AZGP1: variants seen among roughly 807,000 people sequenced by gnomAD.
AZGP1 encodes the protein alpha-2-glycoprotein 1, zinc-binding.
A neutral mutation model predicts 31.5 loss-of-function variants in AZGP1; 28 were observed. The observed-to-expected ratio is 0.89, with a 90% CI of 0.66 to 1.22. The LOEUF is 1.22. Ranked by LOEUF, AZGP1 falls within the 50% of genes most tolerant of loss-of-function variation. AZGP1 has a pLI of 0.00. For missense variants in AZGP1, 361 were observed against 371.8 expected, an observed-to-expected ratio of 0.97 and a Z score of 0.24; for synonymous variants, 135 against 145.4, an observed-to-expected ratio of 0.93 and a Z score of 0.51.
intron 1 of AZGP1, among the ~76,000 whole-genome samples, chr7:99,975,243 A>G (rs1233233033): frequency 6.6e-6 from 1 of 152,118 alleles, no homozygotes; most frequent in Non-Finnish European, 1.5e-5. Context: ...TCAGATTAAC[A>G]TTCCAAAGTG....
rs1584298413 is a variant in AZGP1, at chr7:99,967,268, A to G, written c.632T>C (p.Val211Ala). Residue 211 changes from valine to alanine, a missense_variant, in exon 4 of 4, where the codon GTC becomes GCC. Coordinates refer to ENST00000292401, the MANE Select transcript of AZGP1 (RefSeq NM_001185.4). ...TTCTCCTGGGGCCTGGTGGCTGGTG[A>G]CCACCACAGAGGGAGGATCTGTGGA... ...LDRQDPPSVV[V>A]TSHQAPGEKK... 1 of 1,612,430 alleles carries G rather than the reference A, an allele frequency of 6.2e-7. No homozygotes were observed. Among genetic ancestry groups the G allele is most frequent in the East Asian group, 2.2e-5 (1 of 44,862 alleles).
In AZGP1 at chr7:99,968,166, A is replaced by G; in HGVS notation, c.602T>C (p.Leu201Pro). 1 of 1,613,978 alleles carries G rather than the reference A, an allele frequency of 6.2e-7. No individual in the cohort carries two copies. Among genetic ancestry groups the G allele is most frequent in the Non-Finnish European group, 8.5e-7 (1 of 1,179,998 alleles). The part of the protein sequence containing the change: ...RKYLKYSKNI[L>P]DRQDPPSVVV... ...GAAGCAGTGAGTACCTTGCCGGTCC[A>G]GGATATTTTTGCTGTATTTCAGGTA... Residue 201 changes from leucine to proline, a missense_variant, in exon 3 of 4, where the codon CTG becomes CCG. Coordinates refer to ENST00000292401, the MANE Select transcript of AZGP1 (RefSeq NM_001185.4).
intron 1 of AZGP1, among the ~76,000 whole-genome samples, chr7:99,973,713 C>T (rs1345105245): frequency 6.6e-6 from 1 of 150,384 alleles, no homozygotes; most frequent in Non-Finnish European, 1.5e-5. Context: ...GTCAGGAGTT[C>T]GAAACCAGCC....
intron 1 of AZGP1, among the ~76,000 whole-genome samples, chr7:99,972,919 C>A (rs887817025): frequency 2.0e-5 from 3 of 152,186 alleles, no homozygotes; most frequent in Non-Finnish European, 4.4e-5. Context: ...AGATCGAGAC[C>A]ATCCTGGCTA....
chr7:99,975,222 T>G (rs940300644), intron 1 of AZGP1, among the ~76,000 whole-genome samples: 1 of 152,000 alleles, frequency 6.6e-6, no homozygotes, highest in East Asian at 1.9e-4. Context: ...AATTCAGATT[T>G]TGGCACAGAA....
At position 99,966,974 on chromosome 7, in the gene AZGP1, G is replaced by A. The variant is rs779059149; in HGVS notation, c.*29C>T. The A allele has an allele frequency of 6.2e-7, 1 of 1,604,776 alleles. No homozygotes were observed. Among genetic ancestry groups the A allele is most frequent in the Non-Finnish European group, 8.5e-7 (1 of 1,174,316 alleles). ...CAGGAAGGGCAGCTACTGGGTCTGAGATCCCACATTGCCTCCAACCCTTGC... is the reference window on the plus strand; with the variant it reads ...CAGGAAGGGCAGCTACTGGGTCTGAAATCCCACATTGCCTCCAACCCTTGC... On this transcript the variant is annotated 3_prime_UTR_variant, in exon 4 of 4. Transcript: ENST00000292401.
At chr7:99,974,065 G>A (rs1789620590) in intron 1 of AZGP1, among the ~76,000 whole-genome samples, 1 of 151,972 alleles carries the variant, frequency 6.6e-6, no homozygotes, top group African/African-American at 2.4e-5. Flanking sequence ...TTGAGGTCAA[G>A]AGGTCAAGAC....
chr7:99,970,336 T>A (rs1242379693), intron 2 of AZGP1, among the ~76,000 whole-genome samples: 1 of 152,146 alleles, frequency 6.6e-6, no homozygotes, highest in Non-Finnish European at 1.5e-5. Flanking sequence ...CTCTGCCTCC[T>A]GGGTTCAAGC....
rs1789507583 is a variant in AZGP1, at chr7:99,967,750, C to T, written c.613+405G>A. On this transcript the variant is annotated intron_variant, in intron 3 of 3. Transcript: ENST00000292401. ...TCTGGGGCTGACATTTTACACGCCT[C>T]CCTTCTCTCCACCACCCAGATGGGA... is the stretch of plus-strand genomic sequence containing the variant. 3 of 461,732 alleles carry T rather than the reference C, an allele frequency of 6.5e-6. No individual in the cohort carries two copies. The East Asian group carries it at 1.2e-4, about 18-fold the overall frequency. The allele number at this position is 461,732 out of a possible 1,614,324, so 28.6% of individuals were successfully genotyped here.
In AZGP1 at chr7:99,967,312, G is replaced by A. The variant is rs377110545; in HGVS notation, c.614-26C>T. The A allele has an allele frequency of 4.7e-5, 76 of 1,605,456 alleles. No individual in the cohort carries two copies. The East Asian group carries it at 7.8e-4, about 17-fold the overall frequency. On this transcript the variant is annotated intron_variant, in intron 3 of 3. Coordinates refer to ENST00000292401, the MANE Select transcript of AZGP1 (RefSeq NM_001185.4). ...CTGTGGAGGGATAGAGTGTGACACTGCAGGCTTGAGGTGGACTTCTCCCGG... is the reference window on the plus strand; with the variant it reads ...CTGTGGAGGGATAGAGTGTGACACTACAGGCTTGAGGTGGACTTCTCCCGG...
At chr7:99,969,793 C>T (rs187075417) in intron 2 of AZGP1, among the ~76,000 whole-genome samples, 103 of 152,280 alleles carry the variant, frequency 6.8e-4, no homozygotes, top group African/African-American at 2.4e-3. Context: ...GAGTTCATAT[C>T]ATCACCTAAG....
intron 2 of AZGP1, 22 bp downstream of exon 2, chr7:99,971,720 ACCCC>A: frequency 6.2e-7 from 1 of 1,605,056 alleles, no homozygotes; most frequent in Non-Finnish European, 8.5e-7. Flanking sequence ...TAGACCTTCC[ACCCC>A]TGTGGTCTGT....
intron 1 of AZGP1, among the ~76,000 whole-genome samples, chr7:99,974,938 T>C (rs942989462): frequency 6.6e-6 from 1 of 152,194 alleles, no homozygotes; most frequent in African/African-American, 2.4e-5. Context: ...GCCTACAGTC[T>C]GCCCTTGGAA....
chr7:99,971,690 G>T (rs537729691), intron 2 of AZGP1, 56 bp downstream of exon 2: 110 of 1,563,226 alleles, frequency 7.0e-5, no homozygotes, highest in Middle Eastern at 1.8e-4. Context: ...CACTCACACT[G>T]GGGGGGCTGC....
In AZGP1 at chr7:99,967,084, C is replaced by T. The variant is rs757379266; in HGVS notation, c.816G>A (p.Pro272=). Residue 272 remains proline (P), a synonymous_variant, in exon 4 of 4, where the codon CCG becomes CCA. Coordinates refer to ENST00000292401, the MANE Select transcript of AZGP1 (RefSeq NM_001185.4). The part of the protein sequence containing the change: ...YQSWVVVAVP[P]QDTAPYSCHV... Reference sequence around the variant, plus strand: ...GGCAGGAGTAGGGGGCTGTGTCCTGCGGGGGCACTGCCACCACCACCCAGG... The same window carrying T: ...GGCAGGAGTAGGGGGCTGTGTCCTGTGGGGGCACTGCCACCACCACCCAGG... The T allele has an allele frequency of 2.5e-6, 4 of 1,614,154 alleles. No individual in the cohort carries two copies. The highest frequency in any genetic ancestry group is 2.2e-5 in the East Asian group (1 of 44,882).
At chr7:99,972,040 A>G in intron 1 of AZGP1, 34 bp from the exon 2 acceptor site, 1 of 1,571,040 alleles carries the variant, frequency 6.4e-7, no homozygotes, top group Non-Finnish European at 8.6e-7. Flanking sequence ...GTTGAGGTCC[A>G]TGCAAGGGTC....
chr7:99,967,593 T>C (rs1479976353), intron 3 of AZGP1: 1 of 486,398 alleles, frequency 2.1e-6, no homozygotes, highest in Non-Finnish European at 3.7e-6. Context: ...GTCCAGCTGC[T>C]TGGTTCAGCC....
intron 2 of AZGP1, among the ~76,000 whole-genome samples, chr7:99,970,170 T>G (rs1332248008): frequency 6.6e-6 from 1 of 152,216 alleles, no homozygotes; most frequent in East Asian, 1.9e-4. Flanking sequence ...CTGAGCATTA[T>G]ATATGCTCAT....
At position 99,968,164 on chromosome 7, in the gene AZGP1, C is replaced by A. The variant is rs1240275799; in HGVS notation, c.604G>T (p.Asp202Tyr). Residue 202 changes from aspartate (D) to tyrosine (Y), a missense_variant, in exon 3 of 4, where the codon GAC (aspartate) becomes TAC (tyrosine). Physicochemically the swap from Asp to Tyr is radical, Grantham distance 160 (BLOSUM62 -3). Coordinates refer to ENST00000292401, the MANE Select transcript of AZGP1 (RefSeq NM_001185.4). ...AGGAAGCAGTGAGTACCTTGCCGGT[C>A]CAGGATATTTTTGCTGTATTTCAGG... is the stretch of plus-strand genomic sequence containing the variant. ...KYLKYSKNILDRQDPPSVVVT... is the reference protein window; with the variant it reads ...KYLKYSKNILYRQDPPSVVVT... 6.2e-7 allele frequency: 1 copy of A among 1,613,890 alleles called. No homozygotes were observed. The highest frequency in any genetic ancestry group is 1.6e-4 in the Middle Eastern group (1 of 6,062).
Sources: gnomAD v4.1 joint callset for allele counts (sites outside exome capture counted in the v4.1 genomes callset) on GRCh38, gnomAD v4.1.1 for gene constraint, MANE v1.5 for transcripts, NCBI Gene and HGNC (gene_info 2026-07-23, HGNC 2026-07-21) for gene names.